The following MAPKAP1 variants were observed in gnomAD, a reference collection of about 807,000 sequenced individuals.
MAPKAP1 encodes the protein target of rapamycin complex 2 subunit MAPKAP1.
A neutral mutation model predicts 65.7 loss-of-function variants in MAPKAP1; 20 were observed. The observed-to-expected ratio is 0.30, with a 90% CI of 0.21 to 0.44. The LOEUF (loss-of-function observed/expected upper bound fraction) is 0.44. Ranked by LOEUF, MAPKAP1 falls within the 20% of genes least tolerant of loss-of-function variation. The probability of loss-of-function intolerance (pLI) is 1.00; values close to 1 mark genes in which losing one functional copy is unlikely to be tolerated. For missense variants in MAPKAP1, 423 were observed against 648.0 expected (o/e 0.65, Z 3.77); for synonymous variants, 222 against 244.3 (o/e 0.91, Z 0.85).
chr9:125,489,514 T>G (rs1854623328), intron 8 of MAPKAP1, among the ~76,000 whole-genome samples: 1 of 152,164 alleles, frequency 6.6e-6, no homozygotes, highest in African/African-American at 2.4e-5. Context: ...TAATAGTGAC[T>G]TGAGCACCAC....
intron 4 of MAPKAP1, among the ~76,000 whole-genome samples, chr9:125,651,261 A>G (rs1236655516): frequency 6.6e-6 from 1 of 152,258 alleles, no homozygotes; most frequent in Non-Finnish European, 1.5e-5. Flanking sequence ...AGTCACAGAG[A>G]TAAGTAGCCA....
At chr9:125,482,942 C>T (rs953772850) in intron 9 of MAPKAP1, among the ~76,000 whole-genome samples, 2 of 152,178 alleles carry the variant, frequency 1.3e-5, no homozygotes, top group African/African-American at 4.8e-5. Context: ...TTCATCCTCA[C>T]AGTTGAAAAA....
At chr9:125,690,627 C>A (rs1416256490) in intron 1 of MAPKAP1, among the ~76,000 whole-genome samples, 1 of 152,124 alleles carries the variant, frequency 6.6e-6, no homozygotes, top group Non-Finnish European at 1.5e-5. Context: ...TGGTAAGCAC[C>A]ATTACAACTC....
intron 5 of MAPKAP1, among the ~76,000 whole-genome samples, chr9:125,569,100 G>A (rs961816724): frequency 3.3e-5 from 5 of 152,204 alleles, no homozygotes; most frequent in African/African-American, 9.7e-5. Flanking sequence ...AAGCCAGCAA[G>A]TTGGTCAGTA....
intron 10 of MAPKAP1, among the ~76,000 whole-genome samples, chr9:125,452,056 C>T (rs983486226): frequency 7.9e-5 from 12 of 150,986 alleles, no homozygotes; most frequent in African/African-American, 1.7e-4. Context: ...GTGATCTGCC[C>T]GCCTTGGCCT....
chr9:125,646,063 AT>A (rs1280809303), intron 4 of MAPKAP1, among the ~76,000 whole-genome samples: 1 of 152,198 alleles, frequency 6.6e-6, no homozygotes, highest in Admixed American at 6.5e-5. Flanking sequence ...CTCCTCAAAT[AT>A]TACATCAACT....
rs527451983 is a variant in MAPKAP1, at chr9:125,656,579, C to T, written c.498+1072G>A. 2.7e-4 allele frequency among the ~76,000 whole-genome samples: 41 copies of T among 151,892 alleles called. 1 individual carries two copies. In the South Asian group the frequency reaches 8.1e-3, roughly 30 times the overall value. ...TGAATTGTAGGAAGTAAAAGTCTTT[C>T]GAAGAGAAAACACCTCTGCTCAAAG... On this transcript the variant is annotated intron_variant, in intron 4 of 11. Transcript: ENST00000265960.
intron 7 of MAPKAP1, among the ~76,000 whole-genome samples, chr9:125,534,859 A>G (rs1830029589): frequency 6.6e-6 from 1 of 152,156 alleles, no homozygotes; most frequent in Non-Finnish European, 1.5e-5. Context: ...CTGACTCCCC[A>G]GGATGGAACT....
At chr9:125,546,216 C>G (rs778042624) in intron 6 of MAPKAP1, among the ~76,000 whole-genome samples, 33 of 152,142 alleles carry the variant, frequency 2.2e-4, no homozygotes, top group Non-Finnish European at 4.3e-4. Flanking sequence ...GTATCTTACT[C>G]TGGGGCTCCA....
intron 1 of MAPKAP1, among the ~76,000 whole-genome samples, chr9:125,700,233 A>C: frequency 6.6e-6 from 1 of 152,334 alleles, no homozygotes; most frequent in East Asian, 1.9e-4. Context: ...TTCAAAAGAA[A>C]ACCATTCCTT....
chr9:125,483,779 T>G (rs1228369819), intron 9 of MAPKAP1, among the ~76,000 whole-genome samples: 1 of 152,124 alleles, frequency 6.6e-6, no homozygotes, highest in African/African-American at 2.4e-5. Flanking sequence ...ACAGTAAAAA[T>G]ACCCCACCTT....
chr9:125,652,660 T>C (rs139081332), intron 4 of MAPKAP1, among the ~76,000 whole-genome samples: 231 of 152,230 alleles, frequency 1.5e-3, no homozygotes, highest in African/African-American at 5.2e-3. Context: ...ATTTAGAAAA[T>C]AGTATTTAGC....
At chr9:125,660,434 A>T (rs573064661) in intron 3 of MAPKAP1, among the ~76,000 whole-genome samples, 15 of 152,324 alleles carry the variant, frequency 9.8e-5, no homozygotes, top group Non-Finnish European at 2.1e-4. Flanking sequence ...CATACCTCAA[A>T]AAAAGTAAAT....
chr9:125,649,666 A>G (rs915984665), intron 4 of MAPKAP1, among the ~76,000 whole-genome samples: 1 of 152,038 alleles, frequency 6.6e-6, no homozygotes, highest in African/African-American at 2.4e-5. Flanking sequence ...GATTCCCCAA[A>G]CACAAACCAG....
At chr9:125,515,471 G>C (rs1265922830) in intron 7 of MAPKAP1, among the ~76,000 whole-genome samples, 1 of 152,290 alleles carries the variant, frequency 6.6e-6, no homozygotes, top group East Asian at 1.9e-4. Flanking sequence ...GATTGGAAAC[G>C]AATCTCACTT....
intron 4 of MAPKAP1, among the ~76,000 whole-genome samples, chr9:125,621,175 G>A (rs1316423645): frequency 6.6e-6 from 1 of 152,014 alleles, no homozygotes; most frequent in African/African-American, 2.4e-5. Context: ...CAGAGACTAG[G>A]GCAGGAGGAT....
chr9:125,492,035 T>TTA (rs1854753613), intron 8 of MAPKAP1, among the ~76,000 whole-genome samples: 5 of 125,398 alleles, frequency 4.0e-5, no homozygotes, highest in Admixed American at 1.6e-4. Context: ...TACTGAAAGT[T>TTA]AAAAAAAAAA....
chr9:125,438,199 A>G lies in MAPKAP1; in HGVS notation c.*688T>C, dbSNP rs1484359485. 5.1e-6 allele frequency: 2 copies of G among 394,536 alleles called. No individual in the cohort carries two copies. Among genetic ancestry groups the G allele is most frequent in the Non-Finnish European group, 8.9e-6 (2 of 224,024 alleles). 24.4% of individuals were successfully genotyped at this position (394,536 alleles called of 1,614,324 possible). A position where few individuals can be genotyped will look rare whatever the true frequency, so the allele number is the denominator to read the frequency against. On this transcript the variant is annotated 3_prime_UTR_variant, in exon 12 of 12. Coordinates refer to ENST00000265960, the MANE Select transcript of MAPKAP1 (RefSeq NM_001006617.3). ...CACGCAGCTCCTGGGCTCTGAGGTCAGAAGCTGGGGTGTGCTGAAGGGGAA... is the reference window on the plus strand; with the variant it reads ...CACGCAGCTCCTGGGCTCTGAGGTCGGAAGCTGGGGTGTGCTGAAGGGGAA...
At chr9:125,700,354 C>T (rs374166515) in intron 1 of MAPKAP1, among the ~76,000 whole-genome samples, 2 of 152,130 alleles carry the variant, frequency 1.3e-5, no homozygotes, top group Non-Finnish European at 2.9e-5. Flanking sequence ...AAGTTTTACA[C>T]ATTCAGTACA....
Sources: gnomAD v4.1 joint callset for allele counts (sites outside exome capture counted in the v4.1 genomes callset) on GRCh38, gnomAD v4.1.1 for gene constraint, MANE v1.5 for transcripts, NCBI Gene and HGNC (gene_info 2026-07-23, HGNC 2026-07-21) for gene names.